PRMT8: variants seen among roughly 807,000 people sequenced by gnomAD.
The protein encoded by PRMT8 is protein arginine N-methyltransferase 8.
A neutral mutation model predicts 47.1 loss-of-function variants in PRMT8; 7 were observed. That is an observed-to-expected ratio of 0.15 (90% confidence interval 0.08 to 0.28). PRMT8 has a LOEUF of 0.28. Among genes scored for constraint, PRMT8 ranks in the 10% least tolerant of loss-of-function variants. The pLI, the probability that PRMT8 is intolerant of heterozygous loss-of-function variation, is 1.00. For missense variants in PRMT8, 237 were observed against 505.4 expected, an observed-to-expected ratio of 0.47 and a Z score of 5.09; for synonymous variants, 188 against 186.5, an observed-to-expected ratio of 1.01 and a Z score of -0.07.
intron 1 of PRMT8, among the ~76,000 whole-genome samples, chr12:3,382,368 G>A (rs1443958442): frequency 3.9e-5 from 6 of 152,098 alleles, no homozygotes; most frequent in Non-Finnish European, 7.4e-5. Context: ...TGAGAGGCCC[G>A]GTTTCTCTGC....
At chr12:3,513,825 T>C (rs1865747747) in intron 1 of PRMT8, among the ~76,000 whole-genome samples, 1 of 152,226 alleles carries the variant, frequency 6.6e-6, no homozygotes, top group Non-Finnish European at 1.5e-5. Flanking sequence ...ATAACAACTA[T>C]TTTAGTTCAG....
At chr12:3,520,662 CT>C in intron 1 of PRMT8, among the ~76,000 whole-genome samples, 1 of 152,192 alleles carries the variant, frequency 6.6e-6, no homozygotes, top group East Asian at 1.9e-4. Context: ...AATAACTATG[CT>C]GTCATCAATG....
Position 3,568,787 on chromosome 12 carries a change from G to GCTA in PRMT8, c.566_568dup (p.Tyr189dup). The GCTA allele has an allele frequency of 6.2e-7, 1 of 1,614,160 alleles. No homozygotes were observed. ...GACATCATCATCAGCGAGTGGATGGGCTACTGTCTGTTCTATGAGTCCATG... is the reference window on the plus strand; with the variant it reads ...GACATCATCATCAGCGAGTGGATGGGCTACTACTGTCTGTTCTATGAGTCCATG... On this transcript the variant is annotated inframe_insertion, in exon 5 of 10. Transcript: ENST00000382622.
intron 2 of PRMT8, among the ~76,000 whole-genome samples, chr12:3,549,521 CAAACA>C (rs1866380609): frequency 6.7e-6 from 1 of 150,004 alleles, no homozygotes; most frequent in East Asian, 2.0e-4. Flanking sequence ...AAAAAAAAGG[CAAACA>C]AAACAAAATA....
intron 1 of PRMT8, among the ~76,000 whole-genome samples, chr12:3,523,442 A>G (rs571236882): frequency 2.0e-4 from 30 of 152,268 alleles, no homozygotes; most frequent in African/African-American, 6.7e-4. Context: ...GCAAGTCACC[A>G]TCTCCACCCC....
At chr12:3,459,717 G>C (rs1402861332) in intron 1 of PRMT8, among the ~76,000 whole-genome samples, 4 of 152,116 alleles carry the variant, frequency 2.6e-5, no homozygotes, top group Non-Finnish European at 5.9e-5. Context: ...AAGGGCAGGG[G>C]GTTGGTTGGT....
At chr12:3,388,575 G>T (rs1864162956) in intron 1 of PRMT8, among the ~76,000 whole-genome samples, 1 of 152,050 alleles carries the variant, frequency 6.6e-6, no homozygotes, top group South Asian at 2.1e-4. Flanking sequence ...TATCATTTTA[G>T]AGTCTCACTA....
chr12:3,486,492 A>C (rs1414965918), upstream of PRMT8, among the ~76,000 whole-genome samples: 1 of 152,176 alleles, frequency 6.6e-6, no homozygotes, highest in Non-Finnish European at 1.5e-5. Context: ...TTAACAGAAA[A>C]AAATATGTAT....
intron 1 of PRMT8, among the ~76,000 whole-genome samples, chr12:3,385,694 G>A (rs543703581): frequency 2.0e-5 from 3 of 152,198 alleles, no homozygotes; most frequent in African/African-American, 7.2e-5. Context: ...CTCAAGTACT[G>A]TTTTCAGTAA....
At chr12:3,558,810 CT>C (rs1866572644) in intron 4 of PRMT8, among the ~76,000 whole-genome samples, 1 of 152,198 alleles carries the variant, frequency 6.6e-6, no homozygotes, top group African/African-American at 2.4e-5. Context: ...ACTTAGGCCA[CT>C]TGGGGAAGGC....
chr12:3,393,588 C>A lies in PRMT8; in HGVS notation c.48+12146C>A, dbSNP rs1441196114. Among the ~76,000 whole-genome samples the A allele has an allele frequency of 3.3e-5, 5 of 151,954 alleles. No individual in the cohort carries two copies. The South Asian group carries it at 1.0e-3, about 32-fold the overall frequency. On this transcript the variant is annotated intron_variant, in intron 1 of 9. Transcript: ENST00000452611. The stretch of plus-strand genomic sequence containing the variant: ...ATTGGTCTATATCTCTGTTTTGGTA[C>A]CAGTACCATGCTGTTGTGGTTACTG...
At position 3,532,611 on chromosome 12, in the gene PRMT8, C is replaced by CAAAAAA. The variant is rs35698030; in HGVS notation, c.76-7970_76-7965dup. 6.5e-4 allele frequency among the ~76,000 whole-genome samples: 16 copies of CAAAAAA among 24,658 alleles called. 2 individuals are homozygous for CAAAAAA. The highest frequency in any genetic ancestry group is 7.8e-4 in the Non-Finnish European group (11 of 14,042). 16.2% of individuals were successfully genotyped at this position (24,658 alleles called of 152,430 possible). A position where few individuals can be genotyped will look rare whatever the true frequency, so the allele number is the denominator to read the frequency against. ...TGGGCGACAGAGTAAGACTCCGTCTCAAAAAAAAAAAAAAAAAAAAAAAAA... is the reference window on the plus strand; with the variant it reads ...TGGGCGACAGAGTAAGACTCCGTCTCAAAAAAAAAAAAAAAAAAAAAAAAAAAAAAA... On this transcript the variant is annotated intron_variant, in intron 1 of 9. Transcript: ENST00000382622.
At chr12:3,390,346 C>G (rs1051470233) in intron 1 of PRMT8, among the ~76,000 whole-genome samples, 4 of 152,248 alleles carry the variant, frequency 2.6e-5, no homozygotes, top group Admixed American at 6.5e-5. Context: ...GTTCCTCCTG[C>G]TGACCGATGG....
rs71061115 is a variant in PRMT8 at position 3,451,033 on chromosome 12, A to ACCCCCCCCCCCCCCCCCC, written c.48+69596_48+69613dup. 1.9e-4 allele frequency among the ~76,000 whole-genome samples: 5 copies of ACCCCCCCCCCCCCCCCCC among 26,088 alleles called. 2 individuals carry two copies. The highest frequency in any genetic ancestry group is 3.3e-4 in the Non-Finnish European group (5 of 15,062). 17.1% of individuals were successfully genotyped at this position (26,088 alleles called of 152,430 possible). ...TGAAAGCAGTTTTGATCTTGCTGAC[A>ACCCCCCCCCCCCCCCCCC]CCCCCCCCCCCCCCCCCCCCCCGCC... On this transcript the variant is annotated intron_variant, in intron 1 of 9. Transcript: ENST00000452611.
At chr12:3,523,843 C>G (rs1161360061) in intron 1 of PRMT8, among the ~76,000 whole-genome samples, 1 of 152,230 alleles carries the variant, frequency 6.6e-6, no homozygotes, top group Non-Finnish European at 1.5e-5. Flanking sequence ...CCCTTGTTCT[C>G]CATAGGGAAT....
chr12:3,400,188 C>T (rs142050283), intron 1 of PRMT8, among the ~76,000 whole-genome samples: 50 of 151,754 alleles, frequency 3.3e-4, no homozygotes, highest in East Asian at 2.1e-3. Context: ...GATAAAGAGA[C>T]GAAAAACCCT....
intron 2 of PRMT8, among the ~76,000 whole-genome samples, chr12:3,549,264 A>T (rs1006105231): frequency 1.3e-5 from 2 of 152,160 alleles, no homozygotes; most frequent in Admixed American, 6.5e-5. Context: ...TTTTTGTTGC[A>T]TGCAAATTAT....
intron 1 of PRMT8, among the ~76,000 whole-genome samples, chr12:3,459,605 A>C (rs1056153638): frequency 6.6e-6 from 1 of 152,206 alleles, no homozygotes; most frequent in African/African-American, 2.4e-5. Flanking sequence ...AATTTGGCAA[A>C]GAAAGGTGTT....
chr12:3,495,452 T>C (rs1250464035), intron 1 of PRMT8, among the ~76,000 whole-genome samples: 2 of 152,212 alleles, frequency 1.3e-5, no homozygotes, highest in South Asian at 4.1e-4. Context: ...CTTTCCTCCT[T>C]CTTCTCTCTG....
Sources: allele counts gnomAD v4.1 joint callset (sites outside exome capture counted in the v4.1 genomes callset), GRCh38; gene constraint gnomAD v4.1.1; transcripts MANE v1.5; gene names NCBI Gene and HGNC (gene_info 2026-07-23, HGNC 2026-07-21).